The following EML4 variants were observed in gnomAD, a reference collection of about 807,000 sequenced individuals.
The protein encoded by EML4 is echinoderm microtubule-associated protein-like 4.
EML4 carries 72 observed loss-of-function variants against 129.0 expected under a neutral mutation model. That is an observed-to-expected ratio of 0.56 (90% CI 0.46 to 0.68). The LOEUF (loss-of-function observed/expected upper bound fraction) is 0.68, where lower values mean the gene tolerates loss of function less well. Among genes scored for constraint, EML4 ranks in the 30% least tolerant of loss-of-function variants. The pLI is 0.00. For missense variants in EML4, 1,363 were observed against 1,190.6 expected (o/e 1.14, Z -2.13); for synonymous variants, 532 against 405.0 (o/e 1.31, Z -3.77).
At chr2:42,202,434 C>G (rs1250682231) in intron 1 of EML4, among the ~76,000 whole-genome samples, 2 of 151,976 alleles carry the variant, frequency 1.3e-5, no homozygotes, top group African/African-American at 4.8e-5. Context: ...TCAGTGTTCT[C>G]TAGAGGGACA....
At position 42,181,135 on chromosome 2, in the gene EML4, T is replaced by C. The variant is rs151116577; in HGVS notation, c.25+11499T>C. 3.4e-3 allele frequency among the ~76,000 whole-genome samples: 515 copies of C among 152,362 alleles called. 3 individuals are homozygous for C. Among genetic ancestry groups the C allele is most frequent in the African/African-American group, 0.011 (460 of 41,582 alleles). On this transcript the variant is annotated intron_variant, in intron 1 of 22. Transcript: ENST00000318522. ...TAGACTTGCCCACAATTTTACAATTTTAGTAATTGCAAAATTATTTTTCTT... is the reference window on the plus strand; with the variant it reads ...TAGACTTGCCCACAATTTTACAATTCTAGTAATTGCAAAATTATTTTTCTT...
intron 1 of EML4, among the ~76,000 whole-genome samples, chr2:42,178,794 C>T (rs544563390): frequency 2.2e-3 from 329 of 152,282 alleles, no homozygotes; most frequent in African/African-American, 7.4e-3. Context: ...CAAACCATTG[C>T]ACTATAGCGC....
At chr2:42,199,596 A>T (rs1473011825) in intron 1 of EML4, among the ~76,000 whole-genome samples, 1 of 152,168 alleles carries the variant, frequency 6.6e-6, no homozygotes, top group Non-Finnish European at 1.5e-5. Context: ...TGCCGTTTTG[A>T]CTCAGCTGGA....
chr2:42,214,617 G>A (rs1439329988), intron 1 of EML4, among the ~76,000 whole-genome samples: 1 of 152,094 alleles, frequency 6.6e-6, no homozygotes, highest in African/African-American at 2.4e-5. Flanking sequence ...CATTATTGTG[G>A]GTCAGGAATT....
At chr2:42,227,118 T>C (rs185374825) in intron 1 of EML4, among the ~76,000 whole-genome samples, 1 of 152,098 alleles carries the variant, frequency 6.6e-6, no homozygotes, top group Non-Finnish European at 1.5e-5. Flanking sequence ...TTTTTCTTTT[T>C]TTTTCCCCTT....
chr2:42,321,571 T>C (rs1200916725), intron 19 of EML4, among the ~76,000 whole-genome samples: 1 of 151,914 alleles, frequency 6.6e-6, no homozygotes, highest in Non-Finnish European at 1.5e-5. Context: ...CAGAAGGGAT[T>C]AGAGCAAGTG....
chr2:42,240,213 T>G (rs188635683), intron 1 of EML4, among the ~76,000 whole-genome samples: 2 of 152,286 alleles, frequency 1.3e-5, no homozygotes, highest in East Asian at 3.9e-4. Context: ...TTTTAAGAAG[T>G]TAAGCTTCAG....
Position 42,295,175 on chromosome 2 carries a change from T to C in EML4, c.1269T>C (p.Asn423=). 6.2e-7 allele frequency: 1 copy of C among 1,612,980 alleles called. No homozygotes were observed. The highest frequency in any genetic ancestry group is 8.5e-7 in the Non-Finnish European group (1 of 1,179,686). The stretch of plus-strand genomic sequence containing the variant: ...TGGAGTTTCACCCAACAGATGCAAA[T>C]ACCATAATTACATGCGGTAAATCTC... ...LAVEFHPTDA[N]TIITCGKSHI... is the part of the protein sequence containing the mutation. Residue 423 remains asparagine, a synonymous_variant, in exon 12 of 23, where the codon AAT becomes AAC. Transcript: ENST00000318522.
chr2:42,230,259 G>A (rs1383065797), intron 1 of EML4, among the ~76,000 whole-genome samples: 1 of 152,090 alleles, frequency 6.6e-6, no homozygotes, highest in Non-Finnish European at 1.5e-5. Flanking sequence ...ATGAAAAATA[G>A]CTTCTTCCCC....
chr2:42,180,697 C>T (rs562645431), intron 1 of EML4, among the ~76,000 whole-genome samples: 1 of 152,310 alleles, frequency 6.6e-6, no homozygotes, highest in South Asian at 2.1e-4. Flanking sequence ...AAGGCTTTCT[C>T]CTACACAACC....
At chr2:42,194,171 C>T (rs1248797849) in intron 1 of EML4, among the ~76,000 whole-genome samples, 1 of 151,654 alleles carries the variant, frequency 6.6e-6, no homozygotes, top group East Asian at 1.9e-4. Context: ...ATGTTAATGG[C>T]TTATTTGAAA....
At chr2:42,172,342 T>G (rs1670330631) in intron 1 of EML4, among the ~76,000 whole-genome samples, 1 of 152,240 alleles carries the variant, frequency 6.6e-6, no homozygotes, top group Admixed American at 6.5e-5. Context: ...CATGTTTAGA[T>G]AAGAAATCCA....
At chr2:42,224,905 C>G (rs1673855222) in intron 1 of EML4, among the ~76,000 whole-genome samples, 1 of 152,048 alleles carries the variant, frequency 6.6e-6, no homozygotes, top group African/African-American at 2.4e-5. Context: ...ATTAGTAACT[C>G]CTCATTGACC....
intron 6 of EML4, among the ~76,000 whole-genome samples, chr2:42,273,054 G>A (rs901992093): frequency 2.6e-5 from 4 of 152,112 alleles, no homozygotes; most frequent in Admixed American, 2.0e-4. Flanking sequence ...CAGAGCCAGG[G>A]TGTTAAATAT....
intron 1 of EML4, among the ~76,000 whole-genome samples, chr2:42,240,667 C>A (rs1339510333): frequency 3.9e-5 from 6 of 152,138 alleles, no homozygotes; most frequent in Admixed American, 3.9e-4. Context: ...CAGGTCATTT[C>A]TAATTTTGTG....
chr2:42,182,241 C>G (rs905774528), intron 1 of EML4, among the ~76,000 whole-genome samples: 1 of 150,418 alleles, frequency 6.6e-6, no homozygotes, highest in Admixed American at 6.6e-5. Context: ...ATGTGCCATG[C>G]TGGTGCGCTG....
At chr2:42,216,576 A>G (rs1337780844) in intron 1 of EML4, among the ~76,000 whole-genome samples, 2 of 151,898 alleles carry the variant, frequency 1.3e-5, no homozygotes, top group Non-Finnish European at 2.9e-5. Flanking sequence ...ATCATCCACA[A>G]TCCTAGTATG....
intron 3 of EML4, among the ~76,000 whole-genome samples, chr2:42,257,476 A>G (rs12475350): frequency 0.3 from 44,187 of 149,250 alleles, 7,643 homozygotes; most frequent in East Asian, 0.58. Context: ...GGATTCATAG[A>G]TACTTAACCA....
At chr2:42,269,665 C>G (rs1033384148) in intron 6 of EML4, among the ~76,000 whole-genome samples, 3 of 152,048 alleles carry the variant, frequency 2.0e-5, no homozygotes, top group African/African-American at 7.2e-5. Context: ...ATGTAGATAA[C>G]TGTAAAAAGG....
Sources: gnomAD v4.1 joint callset for allele counts (sites outside exome capture counted in the v4.1 genomes callset) on GRCh38, gnomAD v4.1.1 for gene constraint, MANE v1.5 for transcripts, NCBI Gene and HGNC (gene_info 2026-07-23, HGNC 2026-07-21) for gene names.